SLC16A10: variants seen among roughly 807,000 people sequenced by gnomAD.
The protein encoded by SLC16A10 is monocarboxylate transporter 10.
In SLC16A10, 27 loss-of-function variants were observed where a neutral mutation model predicts 40.0. The ratio of observed to expected loss-of-function variants is 0.67; its 90% confidence interval spans 0.50 to 0.93. SLC16A10 has a LOEUF of 0.93. SLC16A10 is among the 40% of genes least tolerant of loss of function. The pLI, the probability that SLC16A10 is intolerant of heterozygous loss-of-function variation, is 0.00. For synonymous variants in SLC16A10, 213 were observed against 249.8 expected (o/e 0.85, Z 1.39); for missense variants, 529 against 658.2 (o/e 0.80, Z 2.15).
rs564681131 is a variant in SLC16A10 at position 111,199,312 on chromosome 6, A to T, written c.943-7280A>T. Among the ~76,000 whole-genome samples, 3 of 152,182 alleles carry T rather than the reference A, an allele frequency of 2.0e-5. No homozygotes were observed. In the South Asian group the frequency reaches 6.2e-4, roughly 32 times the overall value. On this transcript the variant is annotated intron_variant, in intron 3 of 5. Coordinates refer to ENST00000368851, the MANE Select transcript of SLC16A10 (RefSeq NM_018593.5). ...CTGTCTCTGCTAAAAACACAAAATTAGCTGGGCATGGTGGTGGACACCTGT... is the reference window on the plus strand; with the variant it reads ...CTGTCTCTGCTAAAAACACAAAATTTGCTGGGCATGGTGGTGGACACCTGT...
rs528656496 is a variant in SLC16A10, at chr6:111,175,816, A to T, written c.489-1396A>T. Among the ~76,000 whole-genome samples, 4 of 151,026 alleles carry T rather than the reference A, an allele frequency of 2.6e-5. No individual in the cohort carries two copies. The South Asian group carries it at 8.3e-4, about 31-fold the overall frequency. ...TGGGTTCAAGCCGTCCTCCTGCCCC[A>T]GCTTCCTGAGTAGCTAGGACTACAG... On this transcript the variant is annotated intron_variant, in intron 2 of 5. Transcript: ENST00000368851.
intron 2 of SLC16A10, chr6:111,173,563 C>T (rs1243704996): frequency 1.3e-5 from 2 of 152,148 alleles, no homozygotes; most frequent in Admixed American, 1.3e-4. Context: ...TATAGCTGCT[C>T]CCCATTACTT....
At chr6:111,213,950 C>G (rs1773383232) in intron 4 of SLC16A10, among the ~76,000 whole-genome samples, 1 of 152,240 alleles carries the variant, frequency 6.6e-6, no homozygotes, top group South Asian at 2.1e-4. Context: ...AATTACATGT[C>G]TATCTCCAAG....
intron 1 of SLC16A10, among the ~76,000 whole-genome samples, chr6:111,163,247 G>A (rs932555478): frequency 6.8e-6 from 1 of 147,638 alleles, no homozygotes; most frequent in African/African-American, 2.5e-5. Flanking sequence ...CCGCCTCCCG[G>A]GTTCACACCA....
At chr6:111,169,881 A>C (rs1250807787) in intron 1 of SLC16A10, among the ~76,000 whole-genome samples, 1 of 151,588 alleles carries the variant, frequency 6.6e-6, no homozygotes, top group Non-Finnish European at 1.5e-5. Flanking sequence ...TAATTCACAG[A>C]AACTTGTGCA....
Position 111,177,280 on chromosome 6 carries a change from C to G in SLC16A10, c.557C>G (p.Pro186Arg). The change falls in exon 3 of 6, where the codon CCT becomes CGT. Residue 186 changes from proline to arginine, a missense_variant. By Grantham distance (103) the Pro-to-Arg change is moderately radical (BLOSUM62 -2). Transcript: ENST00000368851. ...FACGCSFAYQ[P>R]SLVILGHYFK... Reference sequence around the variant, plus strand: ...TGCGGCTGCTCCTTTGCATACCAGCCTTCATTGGTCATTTTGGGACACTAT... The same window carrying G: ...TGCGGCTGCTCCTTTGCATACCAGCGTTCATTGGTCATTTTGGGACACTAT... 6.2e-7 allele frequency: 1 copy of G among 1,608,198 alleles called. No individual in the cohort carries two copies. Among genetic ancestry groups the G allele is most frequent in the Non-Finnish European group, 8.5e-7 (1 of 1,177,612 alleles).
chr6:111,146,836 C>T (rs951492942), intron 1 of SLC16A10, among the ~76,000 whole-genome samples: 15 of 151,898 alleles, frequency 9.9e-5, no homozygotes, highest in South Asian at 4.2e-4. Flanking sequence ...ATAAGCAAAA[C>T]GTGGTGTATT....
At chr6:111,163,377 C>T (rs1056981173) in intron 1 of SLC16A10, among the ~76,000 whole-genome samples, 6 of 151,790 alleles carry the variant, frequency 4.0e-5, no homozygotes, top group African/African-American at 1.5e-4. Flanking sequence ...TGGTCTCGAT[C>T]TCCTGACCTC....
At chr6:111,180,356 C>A (rs1772766208) in intron 3 of SLC16A10, among the ~76,000 whole-genome samples, 1 of 152,112 alleles carries the variant, frequency 6.6e-6, no homozygotes, top group South Asian at 2.1e-4. Flanking sequence ...CCAGCTTGAG[C>A]AACATAGTGA....
chr6:111,088,632 G>T (rs1770915276), intron 1 of SLC16A10, among the ~76,000 whole-genome samples: 1 of 152,108 alleles, frequency 6.6e-6, no homozygotes, highest in Non-Finnish European at 1.5e-5. Context: ...CAAGAGTCAC[G>T]GTTCCGTGCG....
intron 1 of SLC16A10, among the ~76,000 whole-genome samples, chr6:111,107,752 C>A (rs1226770571): frequency 1.3e-5 from 2 of 152,140 alleles, no homozygotes; most frequent in Non-Finnish European, 2.9e-5. Flanking sequence ...CAAAAGCAGA[C>A]TAGTCAAGAG....
At chr6:111,209,288 C>G (rs1056129708) in intron 4 of SLC16A10, among the ~76,000 whole-genome samples, 1 of 152,018 alleles carries the variant, frequency 6.6e-6, no homozygotes, top group East Asian at 1.9e-4. Flanking sequence ...CAGGAAGAAC[C>G]AAGGCAGAGA....
intron 1 of SLC16A10, among the ~76,000 whole-genome samples, chr6:111,100,219 A>G (rs1771149897): frequency 6.6e-6 from 1 of 152,112 alleles, no homozygotes; most frequent in Admixed American, 6.5e-5. Context: ...CTTTCAATAC[A>G]CGGGTGTCTG....
intron 2 of SLC16A10, among the ~76,000 whole-genome samples, 155 bp downstream of exon 2, chr6:111,172,994 C>T (rs1772614817): frequency 6.6e-6 from 1 of 152,206 alleles, no homozygotes; most frequent in African/African-American, 2.4e-5. Context: ...TTATCCATAG[C>T]AGCAAATCAG....
intron 1 of SLC16A10, 67 bp downstream of exon 1, chr6:111,088,162 T>C (rs889249577): frequency 1.1e-4 from 168 of 1,489,154 alleles, no homozygotes; most frequent in Non-Finnish European, 1.5e-4. Flanking sequence ...GCATCCCGCG[T>C]GTGGGCTGTG....
At chr6:111,166,892 T>G (rs1772482936) in intron 1 of SLC16A10, among the ~76,000 whole-genome samples, 1 of 152,254 alleles carries the variant, frequency 6.6e-6, no homozygotes, top group Admixed American at 6.5e-5. Flanking sequence ...GAAAGATTTC[T>G]TAACATGGCT....
chr6:111,117,431 C>T (rs145449856), intron 1 of SLC16A10, among the ~76,000 whole-genome samples: 2,288 of 150,656 alleles, frequency 0.015, 20 homozygotes, highest in South Asian at 0.031. Context: ...CCAAATAAAC[C>T]GAATTTTTGG....
At chr6:111,112,509 C>T (rs1024158805) in intron 1 of SLC16A10, among the ~76,000 whole-genome samples, 7 of 152,154 alleles carry the variant, frequency 4.6e-5, no homozygotes, top group African/African-American at 1.2e-4. Flanking sequence ...ACTATATTTG[C>T]GCTGGCCAGC....
At chr6:111,137,300 T>C (rs1340165226) in intron 1 of SLC16A10, among the ~76,000 whole-genome samples, 1 of 152,214 alleles carries the variant, frequency 6.6e-6, no homozygotes, top group East Asian at 1.9e-4. Flanking sequence ...CAATGGAAAT[T>C]ACTTAAAACC....
Sources: allele counts gnomAD v4.1 joint callset (sites outside exome capture counted in the v4.1 genomes callset), GRCh38; gene constraint gnomAD v4.1.1; transcripts MANE v1.5; gene names NCBI Gene and HGNC (gene_info 2026-07-23, HGNC 2026-07-21).